HYDIN: variants seen among roughly 807,000 people sequenced by gnomAD.
The protein encoded by HYDIN is HYDIN axonemal central pair apparatus protein, also known as axonemal central pair apparatus protein HYDIN.
HYDIN carries 132 observed loss-of-function variants against 403.9 expected under a neutral mutation model. That is an observed-to-expected ratio of 0.33 (90% CI 0.28 to 0.38). The LOEUF (loss-of-function observed/expected upper bound fraction) is 0.38. HYDIN is among the 10% of genes least tolerant of loss of function. The probability of loss-of-function intolerance (pLI) is 1.00; values close to 1 mark genes in which losing one functional copy is unlikely to be tolerated. For missense variants in HYDIN, 2,827 were observed against 5,009.5 expected, an observed-to-expected ratio of 0.56 and a Z score of 13.15; for synonymous variants, 1,202 against 1,891.7, an observed-to-expected ratio of 0.64 and a Z score of 9.46.
chr16:71,174,623 A>G (rs1326312948), intron 5 of HYDIN, among the ~76,000 whole-genome samples: 1 of 152,092 alleles, frequency 6.6e-6, no homozygotes, highest in Non-Finnish European at 1.5e-5. Context: ...TACTCCCTGG[A>G]GAAGGGGTGG....
chr16:70,975,923 C>A (rs2143999006), intron 30 of HYDIN, among the ~76,000 whole-genome samples: 1 of 129,186 alleles, frequency 7.7e-6, no homozygotes, highest in South Asian at 3.1e-4. Flanking sequence ...AAGCCTCTTG[C>A]CAGCTTTAGG....
chr16:70,929,942 T>C (rs887277902), intron 45 of HYDIN, among the ~76,000 whole-genome samples: 1 of 152,208 alleles, frequency 6.6e-6, no homozygotes, highest in Admixed American at 6.5e-5. Context: ...ATGGTTCTCA[T>C]GCGTGGGAAT....
chr16:71,047,458 G>C (rs1247392931), intron 18 of HYDIN, among the ~76,000 whole-genome samples: 1 of 151,638 alleles, frequency 6.6e-6, no homozygotes, highest in Non-Finnish European at 1.5e-5. Context: ...GGGGGTGAGG[G>C]GCTCACAGCT....
rs1294368701 is a variant in HYDIN, at chr16:70,835,585, CAAG to C, written c.13401+88_13401+90del. The C allele has an allele frequency of 1.5e-4, 94 of 625,290 alleles. No individual in the cohort carries two copies. In the East Asian group the frequency reaches 2.5e-3, roughly 17 times the overall value. The allele number at this position is 625,290 out of a possible 1,614,324, so 38.7% of individuals were successfully genotyped here. ...AATGGTCTGGCACATTACAGATGCA[CAAG>C]AAATGTGAGCTGCTAGTGTTGCCAG... is the stretch of plus-strand genomic sequence containing the variant. On this transcript the variant is annotated intron_variant, in intron 78 of 85. Coordinates refer to ENST00000393567, the MANE Select transcript of HYDIN (RefSeq NM_001270974.2).
At chr16:71,098,203 CTT>C (rs374205374) in intron 10 of HYDIN, among the ~76,000 whole-genome samples, 6 of 130,380 alleles carry the variant, frequency 4.6e-5, no homozygotes, top group Admixed American at 7.2e-5. Flanking sequence ...AACTTTCTTT[CTT>C]TTTTTTTTTT....
chr16:70,905,765 T>C (rs2076518534), intron 50 of HYDIN, among the ~76,000 whole-genome samples: 1 of 151,960 alleles, frequency 6.6e-6, no homozygotes, highest in Non-Finnish European at 1.5e-5. Context: ...AACATCCTGG[T>C]TAATTCCAAT....
chr16:71,161,887 T>C (rs548852775), intron 6 of HYDIN, among the ~76,000 whole-genome samples: 2 of 151,462 alleles, frequency 1.3e-5, no homozygotes, highest in African/African-American at 4.9e-5. Context: ...ACACCGATTA[T>C]ACAGCACTTG....
intron 53 of HYDIN, among the ~76,000 whole-genome samples, chr16:70,900,679 G>A (rs1417604732): frequency 1.3e-5 from 2 of 150,580 alleles, no homozygotes; most frequent in Non-Finnish European, 3.0e-5. Flanking sequence ...TCAGGACTCT[G>A]ATGCTTACCT....
In HYDIN at chr16:71,031,752, C is replaced by A; in HGVS notation, c.2695G>T (p.Ala899Ser). Residue 899 changes from alanine to serine, a missense_variant, in exon 19 of 86, where the codon GCT (alanine) becomes TCT (serine). By Grantham distance (99) the Ala-to-Ser change is moderately conservative (BLOSUM62 1). Coordinates refer to ENST00000393567, the MANE Select transcript of HYDIN (RefSeq NM_001270974.2). The stretch of plus-strand genomic sequence containing the variant: ...ACAATAGTGGAACCAGTTCCGGAAG[C>A]CTGAACAGGAATCCGATAGGTACTG... Reference protein sequence around the residue: ...NSSTYRIPVQASGTGSTIVSD... With the variant: ...NSSTYRIPVQSSGTGSTIVSD... 1 of 1,301,794 alleles carries A rather than the reference C, an allele frequency of 7.7e-7. No individual in the cohort carries two copies. The highest frequency in any genetic ancestry group is 1.1e-6 in the Non-Finnish European group (1 of 903,328). 80.6% of individuals were successfully genotyped at this position (1,301,794 alleles called of 1,614,324 possible).
chr16:71,210,535 G>GA (rs1049834660), intron 1 of HYDIN, among the ~76,000 whole-genome samples: 30 of 146,282 alleles, frequency 2.1e-4, no homozygotes, highest in Middle Eastern at 3.4e-3. Context: ...GAGAGGTTCA[G>GA]AAAAAAAAAA....
chr16:71,082,401 G>A (rs1040319709), intron 12 of HYDIN, among the ~76,000 whole-genome samples: 32 of 151,944 alleles, frequency 2.1e-4, no homozygotes, highest in African/African-American at 7.7e-4. Flanking sequence ...TAAAGGAAGT[G>A]AACTGAGGAG....
chr16:70,937,757 G>C (rs2077536728), intron 44 of HYDIN, among the ~76,000 whole-genome samples: 1 of 148,970 alleles, frequency 6.7e-6, no homozygotes, highest in African/African-American at 2.5e-5. Context: ...GTGTGGAGCT[G>C]GAGGAGAGAA....
chr16:71,071,987 C>T (rs1293383450), intron 13 of HYDIN, among the ~76,000 whole-genome samples: 2 of 151,662 alleles, frequency 1.3e-5, no homozygotes, highest in Non-Finnish European at 2.9e-5. Flanking sequence ...TTGTCATTGT[C>T]CATAGAAATA....
chr16:70,901,160 C>G lies in HYDIN; in HGVS notation c.8892G>C (p.Leu2964=). The G allele has an allele frequency of 1.0e-6, 1 of 998,908 alleles. No homozygotes were observed. The highest frequency in any genetic ancestry group is 1.5e-6 in the Non-Finnish European group (1 of 663,222). The allele number at this position is 998,908 out of a possible 1,614,324, so 61.9% of individuals were successfully genotyped here. ...GGCTGGTGATCCGCCAGGCCACAGGCAGGAGCGTGACATTGCGGAGAAGAA... is the reference window on the plus strand; with the variant it reads ...GGCTGGTGATCCGCCAGGCCACAGGGAGGAGCGTGACATTGCGGAGAAGAA... ...RVVLLRNVTL[L]PVAWRITSLE... The change falls in exon 53 of 86, where the codon CTG becomes CTC. Residue 2964 remains leucine, a synonymous_variant. Transcript: ENST00000393567.
chr16:70,943,723 T>A, intron 42 of HYDIN, 89 bp downstream of exon 42: 2 of 1,503,348 alleles, frequency 1.3e-6, no homozygotes, highest in Non-Finnish European at 8.9e-7. Flanking sequence ...CTGCCGTGGG[T>A]GGCTGATGGC....
Position 71,178,958 on chromosome 16 carries a change from T to G in HYDIN, c.351A>C (p.Glu117Asp). ...CATTGTTCCTCAAAATCAGTGGAAC[T>G]TCATAGACTTCACAGGGAGTGTAGT... The part of the protein sequence containing the change: ...FQNYTPCEVY[E>D]VPLILRNNDK... Residue 117 changes from glutamate to aspartate, a missense_variant, in exon 4 of 86, where the codon GAA becomes GAC. Coordinates refer to ENST00000393567, the MANE Select transcript of HYDIN (RefSeq NM_001270974.2). 1 of 1,612,422 alleles carries G rather than the reference T, an allele frequency of 6.2e-7. No individual in the cohort carries two copies. The highest frequency in any genetic ancestry group is 8.5e-7 in the Non-Finnish European group (1 of 1,178,888).
At chr16:71,017,389 T>C (rs1415898473) in intron 23 of HYDIN, among the ~76,000 whole-genome samples, 1 of 150,832 alleles carries the variant, frequency 6.6e-6, no homozygotes, top group Non-Finnish European at 1.5e-5. Flanking sequence ...AGTTCCCCTC[T>C]CACTTGCTGT....
chr16:70,811,021 T>C (rs1237226038), intron 84 of HYDIN, among the ~76,000 whole-genome samples: 1 of 152,206 alleles, frequency 6.6e-6, no homozygotes, highest in Non-Finnish European at 1.5e-5. Context: ...CCAGTAGTTA[T>C]GTTAGGGTGG....
At chr16:70,900,555 TAAG>T (rs2076341192) in intron 53 of HYDIN, among the ~76,000 whole-genome samples, 1 of 140,760 alleles carries the variant, frequency 7.1e-6, no homozygotes, top group Admixed American at 7.1e-5. Context: ...GGGAGGCCAT[TAAG>T]AAAAGGGGGA....
Sources: gnomAD v4.1 joint callset for allele counts (sites outside exome capture counted in the v4.1 genomes callset) on GRCh38, gnomAD v4.1.1 for gene constraint, MANE v1.5 for transcripts, NCBI Gene and HGNC (gene_info 2026-07-23, HGNC 2026-07-21) for gene names.